The following UBR3 variants were observed in gnomAD, a reference collection of about 807,000 sequenced individuals.
UBR3 encodes ubiquitin protein ligase E3 component n-recognin 3.
In UBR3, 85 loss-of-function variants were observed where a neutral mutation model predicts 243.2. The observed-to-expected ratio is 0.35, with a 90% CI of 0.29 to 0.42. The LOEUF (loss-of-function observed/expected upper bound fraction) is 0.42. Ranked by LOEUF, UBR3 falls within the 10% of genes least tolerant of loss-of-function variation. The pLI, the probability that UBR3 is intolerant of heterozygous loss-of-function variation, is 1.00. For synonymous variants in UBR3, 748 were observed against 799.8 expected, an observed-to-expected ratio of 0.94 and a Z score of 1.09; for missense variants, 1,686 against 2,300.8, an observed-to-expected ratio of 0.73 and a Z score of 5.47.
chr2:170,020,372 GTTTT>G (rs2090357131), intron 30 of UBR3, among the ~76,000 whole-genome samples: 1 of 152,174 alleles, frequency 6.6e-6, no homozygotes, highest in Non-Finnish European at 1.5e-5. Flanking sequence ...ATTTGGGAAT[GTTTT>G]ATGTTCTGAA....
intron 19 of UBR3, among the ~76,000 whole-genome samples, chr2:169,936,592 T>C (rs1003141328): frequency 7.9e-5 from 12 of 152,112 alleles, no homozygotes; most frequent in Non-Finnish European, 1.5e-5. Context: ...TACATATGTA[T>C]ACATGTGCCA....
intron 23 of UBR3, among the ~76,000 whole-genome samples, chr2:169,956,203 AC>A (rs2087281757): frequency 2.7e-5 from 4 of 145,888 alleles, no homozygotes; most frequent in East Asian, 4.0e-4. Flanking sequence ...GACACCTATA[AC>A]TCTCTCTCTC....
At chr2:169,949,220 G>T (rs2086910426) in intron 22 of UBR3, among the ~76,000 whole-genome samples, 1 of 152,038 alleles carries the variant, frequency 6.6e-6, no homozygotes, top group Admixed American at 6.6e-5. Context: ...AACTTTAGCA[G>T]TCTTCCAGAA....
At chr2:170,057,118 CT>C (rs34846378) in intron 33 of UBR3, among the ~76,000 whole-genome samples, 100,021 of 135,642 alleles carry the variant, frequency 0.74, 36,995 homozygotes, top group East Asian at 0.85. Flanking sequence ...TTAGTTTTTT[CT>C]TTTTTTTTTT....
intron 1 of UBR3, among the ~76,000 whole-genome samples, chr2:169,851,814 G>T (rs1047413081): frequency 2.0e-5 from 3 of 149,110 alleles, no homozygotes; most frequent in Non-Finnish European, 4.4e-5. Context: ...CTCCAGCCTG[G>T]TGACAGAGCA....
At chr2:169,828,771 G>T (rs73972631) in intron 1 of UBR3, among the ~76,000 whole-genome samples, 8,714 of 152,264 alleles carry the variant, frequency 0.057, 466 homozygotes, top group African/African-American at 0.14. Context: ...GAGCGAACCA[G>T]GAATCAAGTG....
chr2:169,914,749 G>C (rs73013716), intron 11 of UBR3, among the ~76,000 whole-genome samples: 6,565 of 152,206 alleles, frequency 0.043, 164 homozygotes, highest in Middle Eastern at 0.068. Flanking sequence ...CCATGTTTCA[G>C]ACAGCTCACC....
At chr2:170,041,895 A>G (rs1386044807) in intron 32 of UBR3, among the ~76,000 whole-genome samples, 1 of 152,230 alleles carries the variant, frequency 6.6e-6, no homozygotes, top group Non-Finnish European at 1.5e-5. Context: ...AAACAATATC[A>G]TTGATAAGCA....
chr2:170,078,169 C>A, intron 36 of UBR3: 1 of 557,864 alleles, frequency 1.8e-6, no homozygotes, highest in South Asian at 1.6e-5. Flanking sequence ...TCAGACCAAT[C>A]ATTTTCTTTG....
chr2:169,828,379 C>G (rs1010228265), intron 1 of UBR3, among the ~76,000 whole-genome samples: 1 of 151,984 alleles, frequency 6.6e-6, no homozygotes. Context: ...AAGCTCGTGT[C>G]GAGCTGTCAA....
rs1559027014 is a variant in UBR3 at position 169,857,069 on chromosome 2, T to TTTTTTG, written c.546-15162_546-15161insGTTTTT. On this transcript the variant is annotated intron_variant, in intron 1 of 38. Transcript: ENST00000272793. ...TTCCAGCATAATTTTATTATGTTTT[T>TTTTTTG]TTTTTTTTTTTTTTTTTTTTTTGAG... is the stretch of plus-strand genomic sequence containing the variant. Among the ~76,000 whole-genome samples the TTTTTTG allele has an allele frequency of 7.2e-3, 132 of 18,308 alleles. 16 individuals are homozygous for TTTTTTG. The highest frequency in any genetic ancestry group is 0.015 in the South Asian group (8 of 544). 12.0% of individuals were successfully genotyped at this position (18,308 alleles called of 152,430 possible). A position where few individuals can be genotyped will look rare whatever the true frequency, so the allele number is the denominator to read the frequency against.
intron 24 of UBR3, among the ~76,000 whole-genome samples, chr2:169,974,642 C>T (rs1481990267): frequency 6.6e-6 from 1 of 151,886 alleles, no homozygotes; most frequent in Non-Finnish European, 1.5e-5. Flanking sequence ...CATTTTTTAA[C>T]TCTCAATTTT....
chr2:170,018,111 C>A (rs572331874), intron 30 of UBR3, among the ~76,000 whole-genome samples: 1 of 152,140 alleles, frequency 6.6e-6, no homozygotes, highest in Non-Finnish European at 1.5e-5. Context: ...GACCTTTCAG[C>A]CATTGGTTTA....
intron 32 of UBR3, among the ~76,000 whole-genome samples, chr2:170,045,251 T>C (rs1403649247): frequency 6.6e-6 from 1 of 152,142 alleles, no homozygotes; most frequent in East Asian, 1.9e-4. Context: ...TGAGACTTAT[T>C]CACTACCATG....
At chr2:169,969,396 T>C (rs1005396148) in intron 24 of UBR3, among the ~76,000 whole-genome samples, 1 of 152,216 alleles carries the variant, frequency 6.6e-6, no homozygotes, top group African/African-American at 2.4e-5. Context: ...AGTTTCATTT[T>C]TCTGCTTACA....
chr2:170,044,761 G>T (rs1464231487), intron 32 of UBR3, among the ~76,000 whole-genome samples: 1 of 152,094 alleles, frequency 6.6e-6, no homozygotes, highest in East Asian at 1.9e-4. Context: ...GATTCTTTAT[G>T]GTATGGCCCT....
intron 26 of UBR3, among the ~76,000 whole-genome samples, chr2:169,994,842 C>A (rs769294142): frequency 3.3e-5 from 5 of 152,112 alleles, no homozygotes; most frequent in Non-Finnish European, 5.9e-5. Flanking sequence ...TGGGTTTTGT[C>A]TGGGTATTCC....
intron 8 of UBR3, among the ~76,000 whole-genome samples, chr2:169,901,988 A>G (rs2084841002): frequency 6.6e-6 from 1 of 152,206 alleles, no homozygotes; most frequent in African/African-American, 2.4e-5. Flanking sequence ...CACCTCAAAC[A>G]CACAGTGTCC....
At chr2:170,044,914 A>G (rs1283398055) in intron 32 of UBR3, among the ~76,000 whole-genome samples, 1 of 152,070 alleles carries the variant, frequency 6.6e-6, no homozygotes. Flanking sequence ...TACAATTATT[A>G]TCTCCTTAGA....
Sources: allele counts gnomAD v4.1 joint callset (sites outside exome capture counted in the v4.1 genomes callset), GRCh38; gene constraint gnomAD v4.1.1; transcripts MANE v1.5; gene names NCBI Gene and HGNC (gene_info 2026-07-23, HGNC 2026-07-21).